ST7: variants seen among roughly 807,000 people sequenced by gnomAD.
ST7 encodes the protein suppression of tumorigenicity 7.
ST7 carries 28 observed loss-of-function variants against 78.7 expected under a neutral mutation model. The observed-to-expected ratio is 0.36, with a 90% CI of 0.26 to 0.49. The LOEUF is 0.49. Ranked by LOEUF, ST7 falls within the 20% of genes least tolerant of loss-of-function variation. The probability of loss-of-function intolerance (pLI) is 0.99; values close to 1 mark genes in which losing one functional copy is unlikely to be tolerated. For missense variants in ST7, 418 were observed against 696.0 expected (o/e 0.60, Z 4.49); for synonymous variants, 247 against 249.6 (o/e 0.99, Z 0.10).
chr7:117,170,851 T>A lies in ST7; in HGVS notation c.964-11T>A. The A allele has an allele frequency of 6.7e-7, 1 of 1,498,362 alleles. No individual in the cohort carries two copies. Among genetic ancestry groups the A allele is most frequent in the Non-Finnish European group, 9.1e-7 (1 of 1,093,468 alleles). 92.8% of individuals were successfully genotyped at this position (1,498,362 alleles called of 1,614,324 possible). On this transcript the variant is annotated splice_polypyrimidine_tract_variant and intron_variant, in intron 9 of 15. Transcript: ENST00000323984. Reference sequence around the variant, plus strand: ...AATATACTAATTATTCCTTGGTTTCTTCTGCCCTAGTTAATGAAGGAGTTC... The same window carrying A: ...AATATACTAATTATTCCTTGGTTTCATCTGCCCTAGTTAATGAAGGAGTTC...
chr7:116,996,335 C>T (rs1056069853), intron 1 of ST7, among the ~76,000 whole-genome samples: 5 of 152,174 alleles, frequency 3.3e-5, no homozygotes, highest in African/African-American at 7.2e-5. Context: ...CCTCGGCCTC[C>T]CAAAGTGCTG....
At chr7:117,034,697 T>C (rs1194088734) in intron 1 of ST7, among the ~76,000 whole-genome samples, 2 of 152,242 alleles carry the variant, frequency 1.3e-5, no homozygotes, top group South Asian at 2.1e-4. Flanking sequence ...AAGTCATGCA[T>C]ATAAGTTCTT....
chr7:117,169,282 C>T (rs113007154), intron 9 of ST7, among the ~76,000 whole-genome samples: 3,196 of 151,742 alleles, frequency 0.021, 64 homozygotes, highest in Middle Eastern at 0.031. Flanking sequence ...ACTACAGGTG[C>T]GTGTCACCAT....
At chr7:117,196,421 C>T (rs1225075907) in intron 12 of ST7, among the ~76,000 whole-genome samples, 1 of 152,206 alleles carries the variant, frequency 6.6e-6, no homozygotes, top group African/African-American at 2.4e-5. Context: ...TTTCCACAAA[C>T]TTGCCAACCC....
chr7:117,154,859 G>T (rs769898966), intron 9 of ST7, among the ~76,000 whole-genome samples: 1 of 152,058 alleles, frequency 6.6e-6, no homozygotes, highest in Non-Finnish European at 1.5e-5. Flanking sequence ...TGAGGAATTG[G>T]CAAGGAAATG....
At chr7:117,048,527 T>A (rs957892333) in intron 1 of ST7, among the ~76,000 whole-genome samples, 1 of 152,186 alleles carries the variant, frequency 6.6e-6, no homozygotes, top group Admixed American at 6.5e-5. Context: ...TTCTGTTTTA[T>A]TCCTCTGGTG....
chr7:116,975,324 A>G (rs1013649167), intron 1 of ST7, among the ~76,000 whole-genome samples: 1 of 152,176 alleles, frequency 6.6e-6, no homozygotes, highest in Non-Finnish European at 1.5e-5. Context: ...CCCATGACAC[A>G]TGAGGATTAT....
At chr7:117,030,090 A>G (rs1796398718) in intron 1 of ST7, among the ~76,000 whole-genome samples, 1 of 152,204 alleles carries the variant, frequency 6.6e-6, no homozygotes, top group African/African-American at 2.4e-5. Context: ...AGTATATTTA[A>G]TCTATAAAGT....
intron 1 of ST7, among the ~76,000 whole-genome samples, chr7:117,047,724 C>T (rs1347234854): frequency 2.6e-5 from 4 of 152,092 alleles, no homozygotes; most frequent in Admixed American, 1.3e-4. Context: ...GGATGTTTTT[C>T]GTGGTTATAA....
chr7:117,098,827 G>A, intron 1 of ST7: 1 of 1,302,430 alleles, frequency 7.7e-7, no homozygotes, highest in Non-Finnish European at 1.0e-6. Flanking sequence ...TAAGTATGTG[G>A]TGGTTTTGAT....
chr7:117,210,752 C>A (rs1055017187), intron 13 of ST7, among the ~76,000 whole-genome samples: 1 of 152,096 alleles, frequency 6.6e-6, no homozygotes, highest in Admixed American at 6.5e-5. Flanking sequence ...AGTGGTGGGG[C>A]TGTTTGAGAG....
intron 1 of ST7, among the ~76,000 whole-genome samples, chr7:117,058,220 A>G (rs536437197): frequency 6.6e-6 from 1 of 152,320 alleles, no homozygotes; most frequent in South Asian, 2.1e-4. Context: ...TAAATAAGAT[A>G]GGGAATTCAG....
At chr7:117,003,548 G>A (rs1795032927) in intron 1 of ST7, among the ~76,000 whole-genome samples, 1 of 151,974 alleles carries the variant, frequency 6.6e-6, no homozygotes, top group Admixed American at 6.6e-5. Flanking sequence ...TCCACCCAAA[G>A]GGCTGGGATT....
intron 1 of ST7, among the ~76,000 whole-genome samples, chr7:117,034,355 A>T (rs1442438773): frequency 6.6e-6 from 1 of 152,146 alleles, no homozygotes; most frequent in African/African-American, 2.4e-5. Flanking sequence ...TATCCTTCCA[A>T]TTGCATTCAA....
chr7:117,207,301 G>A (rs947927244), intron 12 of ST7, among the ~76,000 whole-genome samples: 9 of 151,992 alleles, frequency 5.9e-5, no homozygotes, highest in East Asian at 1.9e-4. Context: ...CCACCACCAC[G>A]CCCAGCTAAT....
chr7:117,159,894 C>CA (rs1277633228), intron 9 of ST7, among the ~76,000 whole-genome samples: 1 of 148,394 alleles, frequency 6.7e-6, no homozygotes, highest in East Asian at 2.0e-4. Flanking sequence ...AACTCCGTCT[C>CA]AAAAAACAAA....
chr7:117,048,577 C>T (rs1724952957), intron 1 of ST7, among the ~76,000 whole-genome samples: 1 of 152,172 alleles, frequency 6.6e-6, no homozygotes, highest in African/African-American at 2.4e-5. Flanking sequence ...AGATCCATAT[C>T]TTGAAACCCT....
intron 1 of ST7, among the ~76,000 whole-genome samples, chr7:117,096,551 G>A (rs944842062): frequency 1.3e-5 from 2 of 152,214 alleles, no homozygotes; most frequent in Non-Finnish European, 2.9e-5. Context: ...TGTCCCCTGT[G>A]ATGCTAAAAG....
rs553295644 is a variant in ST7 at position 117,082,120 on chromosome 7, G to A, written c.152-17642G>A. 3.3e-5 allele frequency among the ~76,000 whole-genome samples: 5 copies of A among 152,194 alleles called. No individual in the cohort carries two copies. In the South Asian group the frequency reaches 1.0e-3, roughly 32 times the overall value. On this transcript the variant is annotated intron_variant, in intron 1 of 15. Coordinates refer to ENST00000323984, the MANE Select transcript of ST7 (RefSeq NM_001369598.1). ...AACCAGGCCCACCCAGATTATCTAGGATAATCTTTACTTAAAGTCAATGGA... is the reference window on the plus strand; with the variant it reads ...AACCAGGCCCACCCAGATTATCTAGAATAATCTTTACTTAAAGTCAATGGA...
Sources: gnomAD v4.1 joint callset for allele counts (sites outside exome capture counted in the v4.1 genomes callset) on GRCh38, gnomAD v4.1.1 for gene constraint, MANE v1.5 for transcripts, NCBI Gene and HGNC (gene_info 2026-07-23, HGNC 2026-07-21) for gene names.